Variants in KCNH1 observed in about 807,000 individuals in gnomAD.
KCNH1 encodes voltage-gated delayed rectifier potassium channel KCNH1.
A neutral mutation model predicts 69.2 loss-of-function variants in KCNH1; 27 were observed. That is an observed-to-expected ratio of 0.39 (90% CI 0.29 to 0.54). The LOEUF is 0.54. Ranked by LOEUF, KCNH1 falls within the 20% of genes least tolerant of loss-of-function variation. The pLI is 0.68. For missense variants in KCNH1, 798 were observed against 1,261.6 expected (o/e 0.63, Z 5.57); for synonymous variants, 456 against 487.7 (o/e 0.93, Z 0.86).
intron 6 of KCNH1, among the ~76,000 whole-genome samples, chr1:210,993,436 C>A (rs1050440300): frequency 6.6e-6 from 1 of 152,204 alleles, no homozygotes; most frequent in Admixed American, 6.5e-5. Flanking sequence ...GGTAACAGTA[C>A]ACAAAGTTAA....
chr1:210,959,669 C>A (rs1688256258), intron 6 of KCNH1, among the ~76,000 whole-genome samples: 1 of 152,198 alleles, frequency 6.6e-6, no homozygotes, highest in African/African-American at 2.4e-5. Flanking sequence ...CAGACTGCTG[C>A]ACTAGCAGTG....
At chr1:210,792,963 A>G (rs1323921240) in intron 9 of KCNH1, among the ~76,000 whole-genome samples, 2 of 152,332 alleles carry the variant, frequency 1.3e-5, no homozygotes, top group South Asian at 2.1e-4. Flanking sequence ...AGATGCTACT[A>G]GTACTACTTG....
intron 6 of KCNH1, among the ~76,000 whole-genome samples, chr1:211,001,189 T>C (rs1242512637): frequency 6.6e-6 from 1 of 152,176 alleles, no homozygotes; most frequent in Non-Finnish European, 1.5e-5. Flanking sequence ...AAAGAGCTTC[T>C]GCACAGCAAA....
intron 7 of KCNH1, among the ~76,000 whole-genome samples, chr1:210,825,224 A>C (rs1182227578): frequency 6.6e-6 from 1 of 152,204 alleles, no homozygotes. Flanking sequence ...GACAACAGCT[A>C]CGTCAGCTTG....
At chr1:210,825,897 G>T (rs1285916383) in intron 7 of KCNH1, among the ~76,000 whole-genome samples, 1 of 152,174 alleles carries the variant, frequency 6.6e-6, no homozygotes, top group Non-Finnish European at 1.5e-5. Flanking sequence ...GATTTTGGAA[G>T]ACAAAAGTAC....
intron 7 of KCNH1, chr1:210,860,265 C>T: frequency 6.8e-7 from 1 of 1,467,362 alleles, no homozygotes; most frequent in Non-Finnish European, 9.5e-7. Context: ...GGGGTAGTAG[C>T]TGCCACATCT....
intron 6 of KCNH1, among the ~76,000 whole-genome samples, chr1:210,936,405 C>G (rs903750911): frequency 3.3e-5 from 5 of 152,170 alleles, no homozygotes; most frequent in Admixed American, 3.3e-4. Context: ...CTGCTTTTTC[C>G]CTCTTCTCCC....
intron 6 of KCNH1, among the ~76,000 whole-genome samples, chr1:210,955,897 C>A (rs1222215393): frequency 6.6e-6 from 1 of 152,050 alleles, no homozygotes; most frequent in Non-Finnish European, 1.5e-5. Context: ...CCTTTATTTC[C>A]TTCTCCTGCC....
intron 5 of KCNH1, among the ~76,000 whole-genome samples, chr1:211,035,318 G>A (rs1035960808): frequency 2.3e-5 from 3 of 129,714 alleles, no homozygotes; most frequent in African/African-American, 9.1e-5. Flanking sequence ...GCGGGATCTC[G>A]GCTCACTGCA....
intron 5 of KCNH1, among the ~76,000 whole-genome samples, chr1:211,034,862 G>A (rs1689864875): frequency 6.6e-6 from 1 of 152,158 alleles, no homozygotes. Context: ...TTGCAAACCA[G>A]TAATCTAGAG....
intron 5 of KCNH1, among the ~76,000 whole-genome samples, chr1:211,031,586 G>C (rs1689786079): frequency 6.6e-6 from 1 of 152,114 alleles, no homozygotes; most frequent in Admixed American, 6.5e-5. Flanking sequence ...TTCATCCCTG[G>C]AATGCAAGGC....
intron 5 of KCNH1, among the ~76,000 whole-genome samples, chr1:211,052,139 C>T (rs1172081777): frequency 2.0e-5 from 3 of 152,152 alleles, no homozygotes; most frequent in African/African-American, 4.8e-5. Context: ...AATACATACA[C>T]AAAACAGCCC....
chr1:210,835,295 G>A (rs112848788), intron 7 of KCNH1, among the ~76,000 whole-genome samples: 1 of 23,898 alleles, frequency 4.2e-5, no homozygotes, highest in Non-Finnish European at 8.7e-5. Flanking sequence ...GTGAGACCAA[G>A]TATTAATTTT....
intron 5 of KCNH1, among the ~76,000 whole-genome samples, chr1:211,031,351 C>T (rs1476678083): frequency 1.3e-5 from 2 of 152,142 alleles, no homozygotes; most frequent in African/African-American, 4.8e-5. Flanking sequence ...AGAAACTATT[C>T]CAATCAATAG....
intron 10 of KCNH1, among the ~76,000 whole-genome samples, chr1:210,751,287 G>C (rs1574233413): frequency 6.6e-6 from 1 of 152,206 alleles, no homozygotes; most frequent in African/African-American, 2.4e-5. Context: ...CATTGATGAG[G>C]CTGCATTTGA....
intron 5 of KCNH1, among the ~76,000 whole-genome samples, chr1:211,030,188 A>G (rs1689756950): frequency 6.6e-6 from 1 of 152,242 alleles, no homozygotes; most frequent in African/African-American, 2.4e-5. Flanking sequence ...CAAAGAAACA[A>G]AAATAGCTAA....
chr1:210,807,463 T>G (rs1368165912), intron 7 of KCNH1, among the ~76,000 whole-genome samples: 2 of 151,548 alleles, frequency 1.3e-5, no homozygotes, highest in Non-Finnish European at 2.9e-5. Context: ...ACAAAAAAAT[T>G]TAGCCAGGCA....
chr1:210,712,702 G>C (rs1455376809), intron 10 of KCNH1, among the ~76,000 whole-genome samples: 1 of 152,180 alleles, frequency 6.6e-6, no homozygotes, highest in Non-Finnish European at 1.5e-5. Flanking sequence ...CTATTCAAGA[G>C]TTTCACCTTT....
intron 9 of KCNH1, among the ~76,000 whole-genome samples, chr1:210,780,907 C>T (rs948324456): frequency 2.0e-5 from 3 of 152,050 alleles, no homozygotes; most frequent in Non-Finnish European, 2.9e-5. Flanking sequence ...ATTAGCCGGG[C>T]GTGGTGGCAG....
Sources: allele counts gnomAD v4.1 joint callset (sites outside exome capture counted in the v4.1 genomes callset), GRCh38; gene constraint gnomAD v4.1.1; transcripts MANE v1.5; gene names NCBI Gene and HGNC (gene_info 2026-07-23, HGNC 2026-07-21).